SAMD5: variants seen among roughly 807,000 people sequenced by gnomAD.
SAMD5 encodes the protein sterile alpha motif domain-containing protein 5.
In SAMD5, 13 loss-of-function variants were observed where a neutral mutation model predicts 11.3. The ratio of observed to expected loss-of-function variants is 1.15; its 90% CI spans 0.75 to 1.83. SAMD5 has a LOEUF of 1.83. Ranked by LOEUF, SAMD5 falls within the 40% of genes most tolerant of loss-of-function variation. The pLI is 0.00. For missense variants in SAMD5, 255 were observed against 239.1 expected (o/e 1.07, Z -0.44); for synonymous variants, 129 against 111.3 (o/e 1.16, Z -1.00).
At chr6:147,687,087 T>C (rs1171443560) in intron 1 of SAMD5, among the ~76,000 whole-genome samples, 3 of 152,168 alleles carry the variant, frequency 2.0e-5, no homozygotes, top group African/African-American at 7.2e-5. Flanking sequence ...CTGGGACAAA[T>C]GACATCTTTA....
At chr6:147,830,632 C>T in the SAMD5 span, among the ~76,000 whole-genome samples, 2 of 152,036 alleles carry the variant, frequency 1.3e-5, no homozygotes, top group Middle Eastern at 6.3e-3. Context: ...TATTTGTTTT[C>T]CACCTGCTTT....
At chr6:147,686,686 G>GT (rs146862292) in intron 1 of SAMD5, among the ~76,000 whole-genome samples, 17,471 of 148,546 alleles carry the variant, frequency 0.12, 1,101 homozygotes, top group Middle Eastern at 0.16. Flanking sequence ...TTTTTAAGAA[G>GT]TTTTGGTATC....
chr6:147,770,763 A>G, the SAMD5 span, among the ~76,000 whole-genome samples: 5 of 152,218 alleles, frequency 3.3e-5, no homozygotes, highest in Admixed American at 3.3e-4. Context: ...ATTTCTTCAT[A>G]AATGAACATC....
the SAMD5 span, among the ~76,000 whole-genome samples, chr6:147,841,913 G>A: frequency 1.3e-5 from 2 of 152,128 alleles, no homozygotes; most frequent in Admixed American, 6.5e-5. Context: ...CCAGATGGAG[G>A]CTGGGTTATA....
the SAMD5 span, among the ~76,000 whole-genome samples, chr6:147,769,231 A>G: frequency 1.2e-4 from 18 of 152,306 alleles, no homozygotes; most frequent in African/African-American, 3.8e-4. Context: ...AGCCATTTTT[A>G]TGTATTTGTC....
chr6:147,929,109 T>C, the SAMD5 span, among the ~76,000 whole-genome samples: 2 of 152,156 alleles, frequency 1.3e-5, no homozygotes. Flanking sequence ...TCAAATGCAT[T>C]CAACATATGT....
intron 1 of SAMD5, among the ~76,000 whole-genome samples, chr6:147,608,078 T>A (rs546479740): frequency 1.3e-5 from 2 of 152,218 alleles, no homozygotes; most frequent in South Asian, 4.1e-4. Context: ...AAATCAAAAC[T>A]ATAATGAGAT....
At chr6:147,856,832 G>C in the SAMD5 span, among the ~76,000 whole-genome samples, 4 of 142,758 alleles carry the variant, frequency 2.8e-5, no homozygotes, top group African/African-American at 1.1e-4. Context: ...GGGGGGGGGG[G>C]GAAGCTTGTG....
At chr6:147,582,480 T>C (rs1420734318) in intron 1 of SAMD5, among the ~76,000 whole-genome samples, 2 of 152,240 alleles carry the variant, frequency 1.3e-5, no homozygotes, top group African/African-American at 2.4e-5. Context: ...AAGTGACTTT[T>C]ATGTTTGAAT....
At chr6:147,799,200 C>T in the SAMD5 span, among the ~76,000 whole-genome samples, 3 of 151,990 alleles carry the variant, frequency 2.0e-5, no homozygotes, top group African/African-American at 4.8e-5. Context: ...TTTGCAGCGG[C>T]TGGTACCAGT....
chr6:147,632,116 T>C (rs528811272), intron 1 of SAMD5, among the ~76,000 whole-genome samples: 1 of 152,208 alleles, frequency 6.6e-6, no homozygotes, highest in African/African-American at 2.4e-5. Flanking sequence ...GGGATAGAAG[T>C]TGGAATGCTA....
the SAMD5 span, among the ~76,000 whole-genome samples, chr6:147,891,149 G>A: frequency 6.6e-6 from 1 of 152,142 alleles, no homozygotes; most frequent in Non-Finnish European, 1.5e-5. Context: ...ATATTGGAAG[G>A]CTATGAATTC....
chr6:147,905,210 G>A, the SAMD5 span, among the ~76,000 whole-genome samples: 1 of 144,740 alleles, frequency 6.9e-6, no homozygotes, highest in Non-Finnish European at 1.5e-5. Flanking sequence ...TTGAGACAGA[G>A]TCTCACTCTG....
the SAMD5 span, among the ~76,000 whole-genome samples, chr6:147,751,204 T>C: frequency 2.0e-5 from 3 of 152,166 alleles, no homozygotes; most frequent in Admixed American, 2.0e-4. Flanking sequence ...TATTTTCTCA[T>C]GAGGGCTTCT....
intron 1 of SAMD5, among the ~76,000 whole-genome samples, chr6:147,731,219 A>C (rs1455675482): frequency 6.6e-6 from 1 of 152,142 alleles, no homozygotes; most frequent in Non-Finnish European, 1.5e-5. Flanking sequence ...CCCAAGCTCC[A>C]CCATCTCCCC....
At chr6:147,950,549 A>G in the SAMD5 span, among the ~76,000 whole-genome samples, 2 of 151,832 alleles carry the variant, frequency 1.3e-5, no homozygotes, top group African/African-American at 4.8e-5. Flanking sequence ...GACCACCCTC[A>G]CCCTGTACCC....
chr6:147,667,980 T>C (rs896103457), intron 1 of SAMD5, among the ~76,000 whole-genome samples: 5 of 152,180 alleles, frequency 3.3e-5, no homozygotes, highest in Non-Finnish European at 7.3e-5. Flanking sequence ...TAGGCTTTTG[T>C]TTTTTGGTAG....
the SAMD5 span, among the ~76,000 whole-genome samples, chr6:147,909,557 CTTTTTTCTTTCTTTCT>C: frequency 1.5e-5 from 2 of 130,196 alleles, no homozygotes; most frequent in African/African-American, 6.9e-5. Flanking sequence ...GACCATCCAT[CTTTTTTCTTTCTTTCT>C]TTCTTTCTTT....
the SAMD5 span, among the ~76,000 whole-genome samples, chr6:147,757,629 T>C: frequency 2.0e-5 from 3 of 152,194 alleles, no homozygotes; most frequent in Non-Finnish European, 4.4e-5. Context: ...TTAAGAGTGA[T>C]AGGTGTCTGT....
Sources: allele counts gnomAD v4.1 joint callset (sites outside exome capture counted in the v4.1 genomes callset), GRCh38; gene constraint gnomAD v4.1.1; transcripts MANE v1.5; gene names NCBI Gene and HGNC (gene_info 2026-07-23, HGNC 2026-07-21).